The following CAP2 variants were observed in gnomAD, a reference collection of about 807,000 sequenced individuals.
CAP2 encodes the protein cyclase associated actin cytoskeleton regulatory protein 2, also known as adenylyl cyclase-associated protein 2.
A neutral mutation model predicts 57.7 loss-of-function variants in CAP2; 24 were observed. That is an observed-to-expected ratio of 0.42 (90% CI 0.30 to 0.58). The LOEUF (loss-of-function observed/expected upper bound fraction) is 0.58, where lower values mean the gene tolerates loss of function less well. CAP2 is among the 20% of genes least tolerant of loss of function. The pLI is 0.22. For missense variants in CAP2, 501 were observed against 590.3 expected, an observed-to-expected ratio of 0.85 and a Z score of 1.57; for synonymous variants, 194 against 207.2, an observed-to-expected ratio of 0.94 and a Z score of 0.55.
chr6:17,440,104 A>G (rs1371974522), intron 3 of CAP2, among the ~76,000 whole-genome samples: 1 of 151,648 alleles, frequency 6.6e-6, no homozygotes, highest in Admixed American at 6.6e-5. Flanking sequence ...ATAAGTTAGT[A>G]TTAAAATGTT....
chr6:17,536,084 G>C (rs1762765741), intron 7 of CAP2, among the ~76,000 whole-genome samples: 1 of 152,204 alleles, frequency 6.6e-6, no homozygotes, highest in Non-Finnish European at 1.5e-5. Context: ...CACCCAAAGT[G>C]CTGGGACTAC....
intron 7 of CAP2, among the ~76,000 whole-genome samples, chr6:17,530,284 T>C (rs929872122): frequency 7.2e-5 from 11 of 152,080 alleles, no homozygotes; most frequent in African/African-American, 2.7e-4. Flanking sequence ...TCTCACTATG[T>C]TGCCTGTGCT....
At chr6:17,421,845 G>C (rs1373818672) in intron 2 of CAP2, among the ~76,000 whole-genome samples, 169 bp downstream of exon 2, 8 of 152,224 alleles carry the variant, frequency 5.3e-5, no homozygotes, top group Non-Finnish European at 1.2e-4. Context: ...AAAAGAGAAA[G>C]GAAGAAAACC....
intron 4 of CAP2, among the ~76,000 whole-genome samples, chr6:17,478,297 CTTT>C (rs58472723): frequency 8.3e-6 from 1 of 120,416 alleles, no homozygotes. Flanking sequence ...ACTACACCTA[CTTT>C]TTTTTTTTTT....
At chr6:17,439,489 T>C (rs1760008701) in intron 3 of CAP2, among the ~76,000 whole-genome samples, 1 of 151,646 alleles carries the variant, frequency 6.6e-6, no homozygotes, top group Middle Eastern at 3.4e-3. Flanking sequence ...AGGGACCGAT[T>C]TCCTGGAAAA....
chr6:17,395,002 A>C (rs1469489389), intron 1 of CAP2, among the ~76,000 whole-genome samples: 2 of 152,244 alleles, frequency 1.3e-5, no homozygotes, highest in Non-Finnish European at 2.9e-5. Flanking sequence ...CGACTTCTCC[A>C]TGAATCCCGA....
chr6:17,471,847 G>T (rs928406212), intron 4 of CAP2, among the ~76,000 whole-genome samples: 1 of 148,256 alleles, frequency 6.7e-6, no homozygotes, highest in Non-Finnish European at 1.5e-5. Context: ...AAAAAAAAAG[G>T]TTTCATTCTT....
intron 11 of CAP2, among the ~76,000 whole-genome samples, chr6:17,548,757 A>G (rs1043686977): frequency 7.2e-5 from 11 of 152,234 alleles, no homozygotes; most frequent in African/African-American, 2.7e-4. Context: ...GTGATATACA[A>G]AAACAGATAA....
intron 4 of CAP2, among the ~76,000 whole-genome samples, chr6:17,468,525 C>G (rs1000003228): frequency 1.3e-5 from 2 of 152,190 alleles, no homozygotes; most frequent in South Asian, 2.1e-4. Flanking sequence ...TCAGAAGCAC[C>G]TTTCTCATTG....
At chr6:17,440,515 A>G (rs1760040117) in intron 3 of CAP2, among the ~76,000 whole-genome samples, 1 of 151,254 alleles carries the variant, frequency 6.6e-6, no homozygotes, top group Non-Finnish European at 1.5e-5. Context: ...ATTACCTTTA[A>G]GACAGTATTT....
intron 3 of CAP2, among the ~76,000 whole-genome samples, chr6:17,433,358 G>A (rs967189542): frequency 3.2e-4 from 49 of 152,188 alleles, no homozygotes; most frequent in African/African-American, 9.4e-4. Flanking sequence ...AGGCCTCCAC[G>A]TTTCTGTGCT....
chr6:17,440,834 TG>T (rs1760053782), intron 3 of CAP2, among the ~76,000 whole-genome samples: 1 of 149,856 alleles, frequency 6.7e-6, no homozygotes, highest in Non-Finnish European at 1.5e-5. Flanking sequence ...CCCCACCCCA[TG>T]ACAGGCCCTA....
chr6:17,453,903 T>TTC (rs1491036518), intron 3 of CAP2, among the ~76,000 whole-genome samples: 506 of 27,238 alleles, frequency 0.019, 19 homozygotes, highest in African/African-American at 0.11. Context: ...TTTTTATTCT[T>TTC]TTTTTTTTTT....
intron 11 of CAP2, among the ~76,000 whole-genome samples, chr6:17,546,388 GTTGT>G (rs1252817947): frequency 5.3e-5 from 8 of 152,272 alleles, no homozygotes; most frequent in South Asian, 4.1e-4. Context: ...TTTTGATGGG[GTTGT>G]TTGTTTTTTT....
intron 2 of CAP2, among the ~76,000 whole-genome samples, chr6:17,425,285 G>T (rs995214705): frequency 1.3e-5 from 2 of 152,080 alleles, no homozygotes; most frequent in Admixed American, 6.5e-5. Flanking sequence ...TAATTAAAAG[G>T]CAGGGAAGGA....
chr6:17,429,896 C>T (rs928376308), intron 3 of CAP2, among the ~76,000 whole-genome samples: 1 of 152,194 alleles, frequency 6.6e-6, no homozygotes, highest in African/African-American at 2.4e-5. Context: ...GTGTCATTGG[C>T]ATTAAGCTTG....
At chr6:17,406,250 G>T (rs1338739453) in intron 1 of CAP2, among the ~76,000 whole-genome samples, 1 of 151,948 alleles carries the variant, frequency 6.6e-6, no homozygotes, top group Admixed American at 6.6e-5. Flanking sequence ...AAAGTTTAAG[G>T]TGCTTATGCT....
rs550792110 is a variant in CAP2 at position 17,555,247 on chromosome 6, T to G, written c.1351-1112T>G. ...TTTGCTCTTGTTGCCCAGGCTGGAG[T>G]GCAATGGCGCAATCTCGGCTCACCA... On this transcript the variant is annotated intron_variant, in intron 12 of 12. Coordinates refer to ENST00000229922, the MANE Select transcript of CAP2 (RefSeq NM_006366.3). Among the ~76,000 whole-genome samples the G allele has an allele frequency of 4.6e-5, 7 of 151,998 alleles. No homozygotes were observed. The South Asian group carries it at 1.2e-3, about 27-fold the overall frequency.
At chr6:17,509,505 CT>C (rs1236941175) in intron 6 of CAP2, among the ~76,000 whole-genome samples, 1 of 152,074 alleles carries the variant, frequency 6.6e-6, no homozygotes, top group African/African-American at 2.4e-5. Context: ...TGGTGAAACC[CT>C]GTCTCTACTA....
Sources: gnomAD v4.1 joint callset for allele counts (sites outside exome capture counted in the v4.1 genomes callset) on GRCh38, gnomAD v4.1.1 for gene constraint, MANE v1.5 for transcripts, NCBI Gene and HGNC (gene_info 2026-07-23, HGNC 2026-07-21) for gene names.